CMKLR2: variants seen among roughly 807,000 people sequenced by gnomAD.
The protein encoded by CMKLR2 is chemerin chemokine-like receptor 2.
Under a neutral mutation model 23.0 loss-of-function variants are expected in CMKLR2, and 18 were observed. The observed-to-expected ratio is 0.78, with a 90% CI of 0.54 to 1.16. CMKLR2 has a LOEUF of 1.16. CMKLR2 is among the 50% of genes most tolerant of loss of function. The pLI, the probability that CMKLR2 is intolerant of heterozygous loss-of-function variation, is 0.00. For missense variants in CMKLR2, 401 were observed against 412.7 expected (o/e 0.97, Z 0.25); for synonymous variants, 158 against 158.9 (o/e 0.99, Z 0.05).
intron 1 of CMKLR2, among the ~76,000 whole-genome samples, chr2:206,179,619 G>T (rs528114862): frequency 6.6e-6 from 1 of 152,014 alleles, no homozygotes; most frequent in Non-Finnish European, 1.5e-5. Flanking sequence ...ATAAGCCACC[G>T]CGCCCTGCCC....
intron 1 of CMKLR2, among the ~76,000 whole-genome samples, chr2:206,203,005 C>G: frequency 6.6e-6 from 1 of 152,022 alleles, no homozygotes; most frequent in East Asian, 1.9e-4. Context: ...TAGGCACAAA[C>G]TTGAACCTTG....
intron 1 of CMKLR2, among the ~76,000 whole-genome samples, chr2:206,211,926 C>T (rs1689583221): frequency 6.7e-6 from 1 of 149,302 alleles, no homozygotes; most frequent in Admixed American, 6.7e-5. Flanking sequence ...CTCTGAGTCA[C>T]ATTTACTTGG....
intron 1 of CMKLR2, among the ~76,000 whole-genome samples, chr2:206,189,114 G>T (rs1461055875): frequency 1.3e-5 from 2 of 152,250 alleles, no homozygotes; most frequent in Non-Finnish European, 2.9e-5. Context: ...GTTTTTCATG[G>T]ATCACTGCAA....
At chr2:206,180,870 T>G (rs1438897994) in intron 1 of CMKLR2, among the ~76,000 whole-genome samples, 1 of 151,270 alleles carries the variant, frequency 6.6e-6, no homozygotes, top group African/African-American at 2.4e-5. Flanking sequence ...TTCTCCTGCC[T>G]CAGCCTCCCT....
chr2:206,196,363 C>T (rs1389539987), intron 1 of CMKLR2, among the ~76,000 whole-genome samples: 1 of 150,320 alleles, frequency 6.7e-6, no homozygotes, highest in Non-Finnish European at 1.5e-5. Context: ...GACAGTGAGA[C>T]TCTGTCTCAA....
intron 1 of CMKLR2, among the ~76,000 whole-genome samples, chr2:206,178,753 A>G (rs1205614108): frequency 6.6e-6 from 1 of 152,012 alleles, no homozygotes; most frequent in African/African-American, 2.4e-5. Context: ...GGCTCAAGCA[A>G]TTCTCCTGTT....
intron 1 of CMKLR2, among the ~76,000 whole-genome samples, chr2:206,186,561 C>T (rs1354274752): frequency 1.3e-5 from 2 of 152,118 alleles, no homozygotes; most frequent in African/African-American, 4.8e-5. Context: ...AGCTATTTCT[C>T]ACAATGGTTA....
Position 206,176,636 on chromosome 2 carries a change from A to T in CMKLR2, c.612T>A (p.His204Gln). ...TGATAAATTTCACCCAAGTCAGAAC[A>T]TGGTGCCTGATCAAAGTGAGGTCAG... The part of the protein sequence containing the change: ...HDPDLTLIRH[H>Q]VLTWVKFIIG... Residue 204 changes from histidine to glutamine, a missense_variant, in exon 2 of 2, where the codon CAT (histidine) becomes CAA (glutamine). His to Gln is a conservative substitution (Grantham distance 24, BLOSUM62 0). Coordinates refer to ENST00000621141, the MANE Select transcript of CMKLR2 (RefSeq NM_001389445.1). The T allele has an allele frequency of 6.2e-7, 1 of 1,614,174 alleles. No homozygotes were observed. Among genetic ancestry groups the T allele is most frequent in the East Asian group, 2.2e-5 (1 of 44,886 alleles).
chr2:206,197,841 C>G (rs914055002), intron 1 of CMKLR2, among the ~76,000 whole-genome samples: 1 of 152,146 alleles, frequency 6.6e-6, no homozygotes, highest in African/African-American at 2.4e-5. Flanking sequence ...GTCTCACTTT[C>G]TTTTTGTAGT....
chr2:206,206,597 C>T (rs992092196), intron 1 of CMKLR2, among the ~76,000 whole-genome samples: 2 of 152,160 alleles, frequency 1.3e-5, no homozygotes, highest in African/African-American at 4.8e-5. Context: ...AAATCAGGGC[C>T]CCTGCTCTAA....
chr2:206,193,828 C>A (rs567692375), intron 1 of CMKLR2, among the ~76,000 whole-genome samples: 2 of 152,258 alleles, frequency 1.3e-5, no homozygotes, highest in African/African-American at 4.8e-5. Context: ...TCCAAAATTT[C>A]CACTGGGGAA....
At position 206,187,745 on chromosome 2, in the gene CMKLR2, A is replaced by C. The variant is rs115104415; in HGVS notation, c.-28-10470T>G. Among the ~76,000 whole-genome samples, 328 of 152,298 alleles carry C rather than the reference A, an allele frequency of 2.2e-3. 2 individuals carry two copies. The highest frequency in any genetic ancestry group is 7.6e-3 in the African/African-American group (314 of 41,568). On this transcript the variant is annotated intron_variant, in intron 1 of 1. Transcript: ENST00000621141. ...TAAACATAGATACATGCACACACAT[A>C]TATACATATGCATATATACAAGTAG...
chr2:206,194,855 G>A (rs1378100192), intron 1 of CMKLR2, among the ~76,000 whole-genome samples: 1 of 143,406 alleles, frequency 7.0e-6, no homozygotes. Context: ...CCAGGTTCAC[G>A]CCGTTCTCCT....
Position 206,176,505 on chromosome 2 carries a change from A to G in CMKLR2, c.743T>C (p.Ile248Thr), listed in dbSNP as rs1385761839. 3 of 1,614,178 alleles carry G rather than the reference A, an allele frequency of 1.9e-6. No individual in the cohort carries two copies. The highest frequency in any genetic ancestry group is 2.5e-6 in the Non-Finnish European group (3 of 1,180,018). Reference protein sequence around the residue: ...ILISSRHFWTILVVVVAFVVC... With the variant: ...ILISSRHFWTTLVVVVAFVVC... The stretch of plus-strand genomic sequence containing the variant: ...CACAAAGGCCACAACCACAACCAGA[A>G]TTGTCCAGAAATGCCTACTGGAGAT... Residue 248 changes from isoleucine to threonine, a missense_variant, in exon 2 of 2, where the codon ATT becomes ACT. Coordinates refer to ENST00000621141, the MANE Select transcript of CMKLR2 (RefSeq NM_001389445.1).
chr2:206,186,090 C>T (rs1381218644), intron 1 of CMKLR2, among the ~76,000 whole-genome samples: 1 of 149,604 alleles, frequency 6.7e-6, no homozygotes, highest in East Asian at 2.0e-4. Context: ...TTTTTTCTCA[C>T]AAAACCGTGT....
At chr2:206,200,591 C>A (rs1689062966) in intron 1 of CMKLR2, among the ~76,000 whole-genome samples, 2 of 152,174 alleles carry the variant, frequency 1.3e-5, no homozygotes, top group Admixed American at 6.5e-5. Context: ...ACCAGTAATA[C>A]AATATACCTT....
rs907739853 is a variant in CMKLR2 at position 206,175,592 on chromosome 2, G to C, written c.*588C>G. 2 of 152,206 alleles carry C rather than the reference G, an allele frequency of 1.3e-5. No individual in the cohort carries two copies. The allele number at this position is 152,206 out of a possible 1,614,324, so 9.4% of individuals were successfully genotyped here. On this transcript the variant is annotated 3_prime_UTR_variant, in exon 2 of 2. Transcript: ENST00000621141. ...GGCTCACCACAACCTCTGCCTCCCAGGTTCAAGTGATTCTCCTGCTTCAGC... is the reference window on the plus strand; with the variant it reads ...GGCTCACCACAACCTCTGCCTCCCACGTTCAAGTGATTCTCCTGCTTCAGC...
intron 1 of CMKLR2, among the ~76,000 whole-genome samples, chr2:206,207,728 CTTTTTTTTTTTTTTTTTTTT>C (rs71034423): frequency 2.3e-5 from 1 of 43,582 alleles, no homozygotes; most frequent in African/African-American, 1.2e-4. Context: ...ACCTCAGGGC[CTTTTTTTTTTTTTTTTTTTT>C]TTTTTTTTTT....
chr2:206,199,654 G>T (rs1317490645), intron 1 of CMKLR2, among the ~76,000 whole-genome samples: 1 of 151,084 alleles, frequency 6.6e-6, no homozygotes, highest in Non-Finnish European at 1.5e-5. Flanking sequence ...GGAGTGCAGT[G>T]GCTCAATCTC....
Sources: allele counts gnomAD v4.1 joint callset (sites outside exome capture counted in the v4.1 genomes callset), GRCh38; gene constraint gnomAD v4.1.1; transcripts MANE v1.5; gene names NCBI Gene and HGNC (gene_info 2026-07-23, HGNC 2026-07-21).